The following ASS1 variants were observed in gnomAD, a reference collection of about 807,000 sequenced individuals.
ASS1 encodes the protein argininosuccinate synthase.
Under a neutral mutation model 60.5 loss-of-function variants are expected in ASS1, and 58 were observed. The observed-to-expected ratio is 0.96, with a 90% confidence interval of 0.78 to 1.19. The LOEUF is 1.19. Ranked by LOEUF, ASS1 falls within the 50% of genes most tolerant of loss-of-function variation. The probability of loss-of-function intolerance (pLI) is 0.00; values close to 1 mark genes in which losing one functional copy is unlikely to be tolerated. For missense variants in ASS1, 454 were observed against 547.3 expected (o/e 0.83, Z 1.70); for synonymous variants, 200 against 206.9 (o/e 0.97, Z 0.29).
intron 4 of ASS1, among the ~76,000 whole-genome samples, chr9:130,458,990 G>T (rs1314256081): frequency 6.6e-6 from 1 of 152,258 alleles, no homozygotes. Context: ...CTGGCTTGCC[G>T]TGTGTCCTCA....
Position 130,478,301 on chromosome 9 carries a change from G to A in ASS1, c.688+1340G>A, listed in dbSNP as rs1846073590. Among the ~76,000 whole-genome samples, 1 of 152,176 alleles carries A rather than the reference G, an allele frequency of 6.6e-6. No individual in the cohort carries two copies. Among genetic ancestry groups the A allele is most frequent in the African/African-American group, 2.4e-5 (1 of 41,454 alleles). On this transcript the variant is annotated intron_variant, in intron 9 of 14. Coordinates refer to ENST00000352480, the MANE Select transcript of ASS1 (RefSeq NM_054012.4). This position sits in a 1 kb window ranked among gnomAD's most constrained non-coding sequence, Gnocchi z 4.7. ...AGGATCATCTCTGAGAAGATGGTGGGAGTGGCCCCAGCAGCACCTCCTGGC... is the reference window on the plus strand; with the variant it reads ...AGGATCATCTCTGAGAAGATGGTGGAAGTGGCCCCAGCAGCACCTCCTGGC...
At chr9:130,457,582 G>T (rs972753308) in intron 3 of ASS1, among the ~76,000 whole-genome samples, 1 of 152,128 alleles carries the variant, frequency 6.6e-6, no homozygotes, top group African/African-American at 2.4e-5. Flanking sequence ...CTCAGTCTTG[G>T]CCTTGTTCCC....
chr9:130,498,944 G>T (rs1405344821), intron 13 of ASS1, among the ~76,000 whole-genome samples: 4 of 152,224 alleles, frequency 2.6e-5, no homozygotes, highest in African/African-American at 9.6e-5. Flanking sequence ...TGACACACTG[G>T]CAGTGGGTGC....
In ASS1 at chr9:130,446,624, C is replaced by T. The variant is rs369086928; in HGVS notation, c.-6+1629C>T. Among the ~76,000 whole-genome samples, 188 of 152,342 alleles carry T rather than the reference C, an allele frequency of 1.2e-3. 2 individuals are homozygous for T. The highest frequency in any genetic ancestry group is 4.3e-3 in the African/African-American group (177 of 41,600). ...CCCCACTCTCAGCACAGTCTCCATT[C>T]CTGAGTGCTTGGGAAGCAGGCCCAG... On this transcript the variant is annotated intron_variant, in intron 1 of 14. Transcript: ENST00000352480.
intron 4 of ASS1, 30 bp from the exon 5 acceptor site, chr9:130,464,081 C>A: frequency 6.2e-7 from 1 of 1,613,768 alleles, no homozygotes; most frequent in Non-Finnish European, 8.5e-7. Flanking sequence ...CATCCTGTGG[C>A]TCCTGACAGC....
chr9:130,455,590 C>A (rs908218241), intron 3 of ASS1, among the ~76,000 whole-genome samples: 1 of 152,254 alleles, frequency 6.6e-6, no homozygotes, highest in Non-Finnish European at 1.5e-5. Context: ...GAGTCTGGTG[C>A]CTTGATTGTG....
rs968547033 is a variant in ASS1 at position 130,491,614 on chromosome 9, G to A, written c.970+2150G>A. ...CGTGATCAAGGGGCACGGCGGCACA[G>A]ACAGGGGAACCCTGGGTGTAGGGCA... is the stretch of plus-strand genomic sequence containing the variant. On this transcript the variant is annotated intron_variant, in intron 12 of 14. Coordinates refer to ENST00000352480, the MANE Select transcript of ASS1 (RefSeq NM_054012.4). The surrounding 1 kb of genome is among the most constrained non-coding windows in gnomAD (Gnocchi z 5.3). Among the ~76,000 whole-genome samples, 3 of 152,216 alleles carry A rather than the reference G, an allele frequency of 2.0e-5. No homozygotes were observed. The highest frequency in any genetic ancestry group is 2.9e-5 in the Non-Finnish European group (2 of 68,034).
rs991446320 is a variant in ASS1, at chr9:130,454,485, C to G, written c.174+112C>G. 91 of 1,177,016 alleles carry G rather than the reference C, an allele frequency of 7.7e-5. No individual in the cohort carries two copies. The Middle Eastern group carries it at 2.5e-3, about 32-fold the overall frequency. The allele number at this position is 1,177,016 out of a possible 1,614,324, so 72.9% of individuals were successfully genotyped here. On this transcript the variant is annotated intron_variant, in intron 3 of 14. Transcript: ENST00000352480. ...TCCCTTCCAGTGTGTCTTCTTGCTTCTAAGAGTATGAGATCATCCTGCTCT... is the reference window on the plus strand; with the variant it reads ...TCCCTTCCAGTGTGTCTTCTTGCTTGTAAGAGTATGAGATCATCCTGCTCT...
rs1433046437 is a variant in ASS1 at position 130,468,241 on chromosome 9, A to G, written c.495+1442A>G. On this transcript the variant is annotated intron_variant, in intron 6 of 14. Coordinates refer to ENST00000352480, the MANE Select transcript of ASS1 (RefSeq NM_054012.4). ...TCTGAGATGGATGACACAAAAATCA[A>G]TGGGGCTTTCAAAAATCTCTGCTTT... Among the ~76,000 whole-genome samples, 4 of 152,244 alleles carry G rather than the reference A, an allele frequency of 2.6e-5. No homozygotes were observed. The East Asian group carries it at 7.7e-4, about 29-fold the overall frequency.
intron 11 of ASS1, among the ~76,000 whole-genome samples, chr9:130,481,141 A>G (rs1846163884): frequency 6.6e-6 from 1 of 152,168 alleles, no homozygotes; most frequent in Non-Finnish European, 1.5e-5. Context: ...AAAGCCCATG[A>G]TTCCCTTTGT....
upstream of ASS1, chr9:130,444,815 C>G (rs1465934457): frequency 6.6e-6 from 1 of 152,096 alleles, no homozygotes; most frequent in African/African-American, 2.4e-5. The surrounding 1 kb of genome is among the most constrained non-coding windows in gnomAD (Gnocchi z 4.7). Flanking sequence ...CGCCCATCTG[C>G]AGGTGGCTGT....
intron 2 of ASS1, among the ~76,000 whole-genome samples, chr9:130,453,245 G>A (rs1483277418): frequency 1.3e-5 from 2 of 152,270 alleles, no homozygotes; most frequent in Non-Finnish European, 1.5e-5. Flanking sequence ...TGGGCCATGA[G>A]CCTACTCCTT....
rs1195444659 is a variant in ASS1 at position 130,478,919 on chromosome 9, C to T, written c.689-797C>T. 6.6e-6 allele frequency among the ~76,000 whole-genome samples: 1 copy of T among 152,206 alleles called. No homozygotes were observed. The highest frequency in any genetic ancestry group is 1.5e-5 in the Non-Finnish European group (1 of 68,038). On this transcript the variant is annotated intron_variant, in intron 9 of 14. Transcript: ENST00000352480. This position sits in a 1 kb window ranked among gnomAD's most constrained non-coding sequence, Gnocchi z 4.7. ...AGCCGCTATTGAGGCCTGATTGGCA[C>T]CCGATGGCTCGCTCCATGGTAATGA...
intron 8 of ASS1, among the ~76,000 whole-genome samples, chr9:130,473,191 T>G (rs1001997255): frequency 3.3e-5 from 5 of 152,210 alleles, no homozygotes; most frequent in Non-Finnish European, 7.3e-5. Context: ...CCAACTTTTC[T>G]TCTTATTGCT....
intron 13 of ASS1, among the ~76,000 whole-genome samples, chr9:130,495,356 G>A (rs1330155634): frequency 1.3e-5 from 2 of 151,886 alleles, no homozygotes; most frequent in South Asian, 2.1e-4. Context: ...GCCGAGGTGG[G>A]AAGATTGCTT....
At chr9:130,475,270 C>T (rs1382946181) in intron 8 of ASS1, among the ~76,000 whole-genome samples, 1 of 152,176 alleles carries the variant, frequency 6.6e-6, no homozygotes, top group Non-Finnish European at 1.5e-5. Flanking sequence ...TTTCAGCTGC[C>T]CTTTCCACCT....
At chr9:130,450,320 G>T in intron 1 of ASS1, 1 of 987,550 alleles carries the variant, frequency 1.0e-6, no homozygotes, top group Non-Finnish European at 1.2e-6. Flanking sequence ...GGGAACTCAC[G>T]CCTCCAATCC....
In ASS1 at chr9:130,470,958, G is replaced by C. The variant is rs114566666; in HGVS notation, c.566+54G>C. The stretch of plus-strand genomic sequence containing the variant: ...TCCTCCCGGGCTCATTCCAAAGGAC[G>C]GCCACGCGCTGCCCCAGGACGTCCT... On this transcript the variant is annotated intron_variant, in intron 7 of 14. Coordinates refer to ENST00000352480, the MANE Select transcript of ASS1 (RefSeq NM_054012.4). This position sits in a 1 kb window ranked among gnomAD's most constrained non-coding sequence, Gnocchi z 4.3. 1.3e-5 allele frequency: 21 copies of C among 1,583,234 alleles called. No homozygotes were observed. The East Asian group carries it at 4.7e-4, about 35-fold the overall frequency.
At chr9:130,463,539 G>T (rs1157446654) in intron 4 of ASS1, among the ~76,000 whole-genome samples, 1 of 152,146 alleles carries the variant, frequency 6.6e-6, no homozygotes, top group African/African-American at 2.4e-5. Context: ...CCCTTCCTGG[G>T]CCTCAGTTTC....
Sources: gnomAD v4.1 joint callset for allele counts (sites outside exome capture counted in the v4.1 genomes callset) on GRCh38, gnomAD v4.1.1 for gene constraint, Gnocchi (gnomAD v3.1) non-coding constraint, MANE v1.5 for transcripts, NCBI Gene and HGNC (gene_info 2026-07-23, HGNC 2026-07-21) for gene names.